Variants in TNR observed in about 807,000 individuals in gnomAD.
The protein encoded by TNR is tenascin R.
A neutral mutation model predicts 150.4 loss-of-function variants in TNR; 45 were observed. The observed-to-expected ratio is 0.30, with a 90% CI of 0.24 to 0.38. The LOEUF is 0.38. TNR is among the 10% of genes least tolerant of loss of function. The probability of loss-of-function intolerance (pLI) is 1.00; values close to 1 mark genes in which losing one functional copy is unlikely to be tolerated. For synonymous variants in TNR, 687 were observed against 678.4 expected (o/e 1.01, Z -0.20); for missense variants, 1,544 against 1,759.1 (o/e 0.88, Z 2.19).
At chr1:175,739,506 ACACACACGCACG>A (rs1179547268) in intron 1 of TNR, among the ~76,000 whole-genome samples, 3 of 151,920 alleles carry the variant, frequency 2.0e-5, no homozygotes, top group Non-Finnish European at 4.4e-5. Flanking sequence ...ATGCACACAC[ACACACACGCACG>A]CACACACACA....
chr1:175,671,919 G>A (rs190421020), intron 1 of TNR, among the ~76,000 whole-genome samples: 38 of 132,024 alleles, frequency 2.9e-4, no homozygotes, highest in Non-Finnish European at 4.2e-4. Context: ...ACCTGTGTGT[G>A]TGTGTGTGTG....
chr1:175,446,809 G>T (rs537133378), intron 2 of TNR, among the ~76,000 whole-genome samples: 1 of 152,130 alleles, frequency 6.6e-6, no homozygotes, highest in African/African-American at 2.4e-5. Flanking sequence ...CAGCCACCCC[G>T]CGAGGTACTC....
At chr1:175,344,893 C>A (rs757752322) in intron 18 of TNR, among the ~76,000 whole-genome samples, 1 of 151,942 alleles carries the variant, frequency 6.6e-6, no homozygotes, top group Non-Finnish European at 1.5e-5. Flanking sequence ...AAAAACAGAA[C>A]CAAAAACAAA....
intron 1 of TNR, among the ~76,000 whole-genome samples, chr1:175,706,027 T>C (rs759923373): frequency 5.9e-5 from 9 of 152,184 alleles, no homozygotes; most frequent in African/African-American, 9.6e-5. Context: ...AGTCCACTTA[T>C]GGCCTAGGGG....
chr1:175,400,792 A>G (rs1326187813), intron 4 of TNR, among the ~76,000 whole-genome samples: 1 of 152,184 alleles, frequency 6.6e-6, no homozygotes, highest in Non-Finnish European at 1.5e-5. Context: ...GCACCCGGCC[A>G]GGAACGTCAA....
chr1:175,372,908 G>A (rs1308391193), intron 9 of TNR, among the ~76,000 whole-genome samples: 3 of 152,144 alleles, frequency 2.0e-5, no homozygotes, highest in Non-Finnish European at 2.9e-5. Flanking sequence ...CACAGAGAGG[G>A]ACAAACTGAG....
At chr1:175,702,577 C>T (rs1666728436) in intron 1 of TNR, among the ~76,000 whole-genome samples, 1 of 152,190 alleles carries the variant, frequency 6.6e-6, no homozygotes, top group Admixed American at 6.5e-5. Flanking sequence ...GGTAAAGGGT[C>T]AGAACACACT....
At chr1:175,650,913 A>C (rs1664957897) in intron 1 of TNR, among the ~76,000 whole-genome samples, 2 of 68,406 alleles carry the variant, frequency 2.9e-5, no homozygotes, top group African/African-American at 7.2e-5. Context: ...CCACCTCATT[A>C]CTACCCCTCC....
At chr1:175,524,260 T>A (rs1193758823) in intron 2 of TNR, among the ~76,000 whole-genome samples, 1 of 152,134 alleles carries the variant, frequency 6.6e-6, no homozygotes, top group African/African-American at 2.4e-5. Flanking sequence ...CATGCATGTC[T>A]GCCGAATTAT....
At chr1:175,589,663 A>C (rs1268496636) in intron 1 of TNR, among the ~76,000 whole-genome samples, 1 of 152,254 alleles carries the variant, frequency 6.6e-6, no homozygotes, top group African/African-American at 2.4e-5. Context: ...AATACTACAC[A>C]GCCATAAAAA....
At chr1:175,477,164 GTAT>G (rs1356646404) in intron 2 of TNR, among the ~76,000 whole-genome samples, 3 of 152,122 alleles carry the variant, frequency 2.0e-5, no homozygotes, top group Middle Eastern at 3.4e-3. Context: ...CAGATTTGAG[GTAT>G]TATTATTATG....
At chr1:175,632,897 GCCTCCCTA>G (rs1664375302) in intron 1 of TNR, among the ~76,000 whole-genome samples, 1 of 152,168 alleles carries the variant, frequency 6.6e-6, no homozygotes. Context: ...GTACCACACT[GCCTCCCTA>G]TACAAGGTTA....
At chr1:175,605,272 A>C (rs1663371754) in intron 1 of TNR, among the ~76,000 whole-genome samples, 1 of 152,196 alleles carries the variant, frequency 6.6e-6, no homozygotes, top group Admixed American at 6.5e-5. Context: ...CCTTTCCAAA[A>C]ATTTCAATTT....
At chr1:175,466,066 T>C (rs1657022192) in intron 2 of TNR, among the ~76,000 whole-genome samples, 1 of 152,210 alleles carries the variant, frequency 6.6e-6, no homozygotes, top group Non-Finnish European at 1.5e-5. Context: ...GCACTAACAA[T>C]AGACTTTCAG....
At position 175,346,888 on chromosome 1, in the gene TNR, GA is replaced by G. The variant is rs59468796; in HGVS notation, c.3382+7502del. 5.8e-3 allele frequency among the ~76,000 whole-genome samples: 719 copies of G among 125,036 alleles called. 3 individuals carry two copies. Among genetic ancestry groups the G allele is most frequent in the African/African-American group, 0.018 (523 of 29,722 alleles). 82.0% of individuals were successfully genotyped at this position (125,036 alleles called of 152,430 possible). A position where few individuals can be genotyped will look rare whatever the true frequency, so the allele number is the denominator to read the frequency against. On this transcript the variant is annotated intron_variant, in intron 18 of 22. Coordinates refer to ENST00000367674, the MANE Select transcript of TNR (RefSeq NM_003285.3). ...GTCCTGAACAAGTTATTCCACAAAAGAAAAAAAAAAAAAAGAAGCAAAAAAG... is the reference window on the plus strand; with the variant it reads ...GTCCTGAACAAGTTATTCCACAAAAGAAAAAAAAAAAAAGAAGCAAAAAAG...
intron 18 of TNR, among the ~76,000 whole-genome samples, chr1:175,338,949 G>A (rs1015484814): frequency 2.6e-5 from 4 of 152,206 alleles, no homozygotes; most frequent in African/African-American, 7.2e-5. Flanking sequence ...CGTCGAGGGC[G>A]CACTGGCCTA....
chr1:175,550,114 A>C (rs1208439495), intron 1 of TNR, among the ~76,000 whole-genome samples: 1 of 152,234 alleles, frequency 6.6e-6, no homozygotes. Context: ...ACAGGTAGAC[A>C]TAGGTCACTA....
At position 175,692,174 on chromosome 1, in the gene TNR, C is replaced by T. The variant is rs1029995733; in HGVS notation, c.-165+51052G>A. ...AAGAGGGATAAAATGAAATTAGATG[C>T]CAATTAACCTTGGGGCAGACACATG... On this transcript the variant is annotated intron_variant, in intron 1 of 22. Transcript: ENST00000367674. Among the ~76,000 whole-genome samples the T allele has an allele frequency of 5.9e-5, 9 of 152,120 alleles. 1 individual carries two copies. The highest frequency in any genetic ancestry group is 3.2e-3 in the Middle Eastern group (1 of 316).
At chr1:175,703,193 C>T (rs912963000) in intron 1 of TNR, among the ~76,000 whole-genome samples, 3 of 152,090 alleles carry the variant, frequency 2.0e-5, no homozygotes, top group Admixed American at 1.3e-4. Context: ...AATTGATAGT[C>T]TACATATTTT....
Sources: gnomAD v4.1 joint callset for allele counts (sites outside exome capture counted in the v4.1 genomes callset) on GRCh38, gnomAD v4.1.1 for gene constraint, MANE v1.5 for transcripts, NCBI Gene and HGNC (gene_info 2026-07-23, HGNC 2026-07-21) for gene names.